The following FMN2 variants were observed in gnomAD, a reference collection of about 807,000 sequenced individuals.
FMN2 encodes the protein formin 2.
FMN2 carries 51 observed loss-of-function variants against 142.3 expected under a neutral mutation model. The ratio of observed to expected loss-of-function variants is 0.36; its 90% CI spans 0.29 to 0.45. The LOEUF (loss-of-function observed/expected upper bound fraction) is 0.45. Among genes scored for constraint, FMN2 ranks in the 20% least tolerant of loss-of-function variants. The pLI, the probability that FMN2 is intolerant of heterozygous loss-of-function variation, is 1.00. For missense variants in FMN2, 1,936 were observed against 2,122.8 expected, an observed-to-expected ratio of 0.91 and a Z score of 1.73; for synonymous variants, 882 against 869.8, an observed-to-expected ratio of 1.01 and a Z score of -0.25.
rs1471697427 is a variant in FMN2 at position 240,459,717 on chromosome 1, T to TTAAA, written c.5061-12655_5061-12654insTAAA. 5.8e-4 allele frequency among the ~76,000 whole-genome samples: 39 copies of TTAAA among 67,130 alleles called. 2 individuals are homozygous for TTAAA. The highest frequency in any genetic ancestry group is 1.9e-3 in the African/African-American group (37 of 19,470). 44.0% of individuals were successfully genotyped at this position (67,130 alleles called of 152,430 possible). A position where few individuals can be genotyped will look rare whatever the true frequency, so the allele number is the denominator to read the frequency against. On this transcript the variant is annotated intron_variant, in intron 16 of 17. Transcript: ENST00000319653. ...GGGTGACAGAACAAGACTCTGTCTCTAAAAAAAAAAAAAAAAAAAAAAAAA... is the reference window on the plus strand; with the variant it reads ...GGGTGACAGAACAAGACTCTGTCTCTTAAAAAAAAAAAAAAAAAAAAAAAAAAAA...
intron 8 of FMN2, among the ~76,000 whole-genome samples, chr1:240,304,716 G>C (rs752754587): frequency 6.6e-6 from 1 of 152,192 alleles, no homozygotes; most frequent in Non-Finnish European, 1.5e-5. Flanking sequence ...TCAGGGATCA[G>C]AGCACAGATC....
At chr1:240,281,126 A>G (rs1366960966) in intron 7 of FMN2, among the ~76,000 whole-genome samples, 2 of 152,182 alleles carry the variant, frequency 1.3e-5, no homozygotes, top group Non-Finnish European at 2.9e-5. Flanking sequence ...TACCGACTTA[A>G]TCAGTAACTT....
At chr1:240,177,819 A>T in intron 2 of FMN2, 102 bp from the exon 3 acceptor site, 1 of 1,012,342 alleles carries the variant, frequency 9.9e-7, no homozygotes, top group Non-Finnish European at 1.4e-6. Flanking sequence ...GTATGCATAT[A>T]TAAGTAATTT....
intron 14 of FMN2, among the ~76,000 whole-genome samples, chr1:240,380,746 G>C (rs1673197775): frequency 6.8e-6 from 1 of 146,134 alleles, no homozygotes; most frequent in Non-Finnish European, 1.5e-5. Flanking sequence ...GCAAAGATCA[G>C]AGCAGAACTA....
rs751062778 is a variant in FMN2 at position 240,230,435 on chromosome 1, C to A, written c.4065+19200C>A. ...CAGGAAGAGCTGACGTCCCCTAAAGCTTTGATGCCACCTAAAGTATTTCTG... is the reference window on the plus strand; with the variant it reads ...CAGGAAGAGCTGACGTCCCCTAAAGATTTGATGCCACCTAAAGTATTTCTG... On this transcript the variant is annotated intron_variant, in intron 6 of 17. Transcript: ENST00000319653. 1.4e-4 allele frequency among the ~76,000 whole-genome samples: 18 copies of A among 131,828 alleles called. 2 individuals are homozygous for A. Among genetic ancestry groups the A allele is most frequent in the Non-Finnish European group, 2.5e-4 (16 of 62,844 alleles). The allele number at this position is 131,828 out of a possible 152,430, so 86.5% of individuals were successfully genotyped here. A position where few individuals can be genotyped will look rare whatever the true frequency, so the allele number is the denominator to read the frequency against.
intron 6 of FMN2, among the ~76,000 whole-genome samples, chr1:240,214,402 T>G: frequency 6.6e-6 from 1 of 151,686 alleles, no homozygotes; most frequent in Admixed American, 6.6e-5. Flanking sequence ...ATACAAAAAA[T>G]TAGCCGGGCG....
intron 15 of FMN2, among the ~76,000 whole-genome samples, chr1:240,428,427 A>G (rs865864394): frequency 7.9e-5 from 12 of 151,382 alleles, no homozygotes; most frequent in Non-Finnish European, 1.2e-4. Context: ...AGGTCTTGCT[A>G]TGTTGCTCAG....
intron 7 of FMN2, among the ~76,000 whole-genome samples, chr1:240,271,517 C>T (rs1669014939): frequency 6.6e-6 from 1 of 150,680 alleles, no homozygotes; most frequent in Non-Finnish European, 1.5e-5. Flanking sequence ...GTGTTTTCCT[C>T]ACATGGGATA....
chr1:240,221,079 G>A (rs1667095207), intron 6 of FMN2, among the ~76,000 whole-genome samples: 1 of 152,126 alleles, frequency 6.6e-6, no homozygotes, highest in Non-Finnish European at 1.5e-5. Flanking sequence ...TGTATTCCAT[G>A]GTGTATATGT....
At chr1:240,357,776 T>A (rs1672324021) in intron 14 of FMN2, among the ~76,000 whole-genome samples, 1 of 151,898 alleles carries the variant, frequency 6.6e-6, no homozygotes, top group Admixed American at 6.6e-5. Flanking sequence ...CCCGGCTAAT[T>A]TTTTGTATTT....
intron 13 of FMN2, among the ~76,000 whole-genome samples, chr1:240,345,575 A>C (rs1341550868): frequency 6.6e-6 from 1 of 151,978 alleles, no homozygotes; most frequent in African/African-American, 2.4e-5. Context: ...GGTTGAAGCA[A>C]TTCTCTTGTC....
chr1:240,200,418 C>T (rs1021751847), intron 4 of FMN2, among the ~76,000 whole-genome samples: 5 of 152,142 alleles, frequency 3.3e-5, no homozygotes, highest in Non-Finnish European at 1.5e-5. Context: ...GGAAATATCT[C>T]AGCTGACTTT....
In FMN2 at chr1:240,126,088, A is replaced by G. The variant is rs528625190; in HGVS notation, c.1782+2743A>G. On this transcript the variant is annotated intron_variant, in intron 2 of 17. Transcript: ENST00000319653. Reference sequence around the variant, plus strand: ...TAAATAGCAGCTCAGTAACAGAACTATGCGTTCATTGGATGCGCAGTCAAG... The same window carrying G: ...TAAATAGCAGCTCAGTAACAGAACTGTGCGTTCATTGGATGCGCAGTCAAG... 5.3e-5 allele frequency among the ~76,000 whole-genome samples: 8 copies of G among 152,334 alleles called. No homozygotes were observed. The South Asian group carries it at 1.7e-3, about 32-fold the overall frequency.
At chr1:240,151,733 C>CT (rs1423785280) in intron 2 of FMN2, among the ~76,000 whole-genome samples, 2 of 151,884 alleles carry the variant, frequency 1.3e-5, no homozygotes, top group African/African-American at 4.8e-5. Flanking sequence ...GCAGAACTCT[C>CT]TGTGTGGCAA....
At chr1:240,204,082 T>A (rs1251950628) in intron 4 of FMN2, among the ~76,000 whole-genome samples, 1 of 152,176 alleles carries the variant, frequency 6.6e-6, no homozygotes, top group Admixed American at 6.5e-5. Flanking sequence ...ATTCCTTTAT[T>A]AGTTGAAAAG....
At chr1:240,114,879 A>G (rs951024016) in intron 1 of FMN2, among the ~76,000 whole-genome samples, 4 of 152,000 alleles carry the variant, frequency 2.6e-5, no homozygotes, top group Non-Finnish European at 5.9e-5. Flanking sequence ...GATGGTCTCG[A>G]TCTCTTGACC....
chr1:240,102,576 T>C lies in FMN2; in HGVS notation c.1615+8852T>C, dbSNP rs1012040679. On this transcript the variant is annotated intron_variant, in intron 1 of 17. Transcript: ENST00000319653. ...CATTTTGCAGCTAACCAAAATGTTC[T>C]TCTATAAGCCAATTATATCTTCTGT... 1.2e-4 allele frequency among the ~76,000 whole-genome samples: 19 copies of C among 152,328 alleles called. 1 individual carries two copies. The highest frequency in any genetic ancestry group is 7.7e-4 in the East Asian group (4 of 5,188).
At chr1:240,285,319 G>C (rs1558411858) in intron 7 of FMN2, 1 of 455,256 alleles carries the variant, frequency 2.2e-6, no homozygotes, top group Non-Finnish European at 4.4e-6. Context: ...ACACCAAGCA[G>C]ATGGAGGCTC....
rs114523461 is a variant in FMN2 at position 240,415,040 on chromosome 1, T to C, written c.4910+22478T>C. Among the ~76,000 whole-genome samples, 550 of 152,274 alleles carry C rather than the reference T, an allele frequency of 3.6e-3. 2 individuals carry two copies. The highest frequency in any genetic ancestry group is 0.012 in the African/African-American group (517 of 41,562). ...TAGCATTGATGCAGCTTAGCAGAAC[T>C]TACATAGCATTGACCACAAAGCATC... On this transcript the variant is annotated intron_variant, in intron 15 of 17. Transcript: ENST00000319653.
Sources: gnomAD v4.1 joint callset for allele counts (sites outside exome capture counted in the v4.1 genomes callset) on GRCh38, gnomAD v4.1.1 for gene constraint, MANE v1.5 for transcripts, NCBI Gene and HGNC (gene_info 2026-07-23, HGNC 2026-07-21) for gene names.